M1AP: variants seen among roughly 807,000 people sequenced by gnomAD.
The protein encoded by M1AP is meiosis 1 associated protein, also known as meiosis 1 arrest protein.
A neutral mutation model predicts 51.2 loss-of-function variants in M1AP; 39 were observed. The ratio of observed to expected loss-of-function variants is 0.76; its 90% confidence interval spans 0.59 to 1.00. The LOEUF is 1.00. M1AP is among the 50% of genes least tolerant of loss of function. The probability of loss-of-function intolerance (pLI) is 0.00; values close to 1 mark genes in which losing one functional copy is unlikely to be tolerated. For missense variants in M1AP, 545 were observed against 641.2 expected (o/e 0.85, Z 1.62); for synonymous variants, 251 against 249.2 (o/e 1.01, Z -0.07).
At chr2:74,626,682 A>G (rs1682417389) in intron 2 of M1AP, among the ~76,000 whole-genome samples, 1 of 152,220 alleles carries the variant, frequency 6.6e-6, no homozygotes, top group South Asian at 2.1e-4. Context: ...ACTTTGCTCC[A>G]TCAGGAATCT....
intron 3 of M1AP, among the ~76,000 whole-genome samples, chr2:74,607,950 A>G (rs1485698491): frequency 6.6e-6 from 1 of 152,192 alleles, no homozygotes; most frequent in Non-Finnish European, 1.5e-5. Context: ...GGGAAGTTTT[A>G]GGTTCACAGC....
chr2:74,561,244 G>GAGA (rs1677984223), intron 8 of M1AP, among the ~76,000 whole-genome samples: 1 of 82,502 alleles, frequency 1.2e-5, no homozygotes, highest in Non-Finnish European at 2.7e-5. Flanking sequence ...GGAGGAGGAG[G>GAGA]AGGAGGAGGA....
chr2:74,594,899 T>C (rs975131400), intron 4 of M1AP, among the ~76,000 whole-genome samples: 6 of 151,978 alleles, frequency 3.9e-5, no homozygotes, highest in Admixed American at 1.3e-4. Context: ...AGATAATCAA[T>C]TTTCAGATTC....
At chr2:74,644,048 C>T (rs980162023) in intron 1 of M1AP, among the ~76,000 whole-genome samples, 2 of 151,722 alleles carry the variant, frequency 1.3e-5, no homozygotes, top group African/African-American at 4.8e-5. Context: ...CAAAAGAAAA[C>T]AAAAGAAATA....
At chr2:74,611,793 T>C (rs1342422310) in intron 3 of M1AP, among the ~76,000 whole-genome samples, 6 of 148,114 alleles carry the variant, frequency 4.1e-5, no homozygotes, top group Non-Finnish European at 7.4e-5. Flanking sequence ...GATTACGCCA[T>C]TGCACTCCAG....
chr2:74,614,944 T>C lies in M1AP; in HGVS notation c.426+20A>G. ...GAAATCGGAACACAGCTTGGAGTCC[T>C]AAAGGCCAGCATCACTTACCTCCAG... is the stretch of plus-strand genomic sequence containing the variant. On this transcript the variant is annotated intron_variant, in intron 3 of 10. Coordinates refer to ENST00000421985, the MANE Select transcript of M1AP (RefSeq NM_001321739.2). The C allele has an allele frequency of 6.2e-7, 1 of 1,611,788 alleles. No individual in the cohort carries two copies.
chr2:74,620,876 C>A, intron 2 of M1AP: 2 of 175,770 alleles, frequency 1.1e-5, no homozygotes, highest in South Asian at 2.7e-4. Context: ...TGAAGCCAGT[C>A]AGTGCCTTGA....
intron 1 of M1AP, among the ~76,000 whole-genome samples, chr2:74,641,195 G>A (rs1056324724): frequency 6.6e-6 from 1 of 152,144 alleles, no homozygotes; most frequent in African/African-American, 2.4e-5. Context: ...ATTAGAAATT[G>A]TTCTTCGCCT....
chr2:74,568,660 G>T (rs1465292086), intron 7 of M1AP, among the ~76,000 whole-genome samples: 1 of 152,144 alleles, frequency 6.6e-6, no homozygotes, highest in Non-Finnish European at 1.5e-5. Flanking sequence ...GGGCTCCATG[G>T]GGCAAAAGGC....
chr2:74,630,439 AT>A (rs1215381648), intron 2 of M1AP, among the ~76,000 whole-genome samples: 1 of 152,162 alleles, frequency 6.6e-6, no homozygotes, highest in Non-Finnish European at 1.5e-5. Flanking sequence ...TCACCTAGGT[AT>A]TAAGCCCCAC....
At chr2:74,593,143 G>T (rs1680143563) in intron 4 of M1AP, among the ~76,000 whole-genome samples, 1 of 152,056 alleles carries the variant, frequency 6.6e-6, no homozygotes, top group Non-Finnish European at 1.5e-5. Context: ...GGAGAGAAAA[G>T]GTGAGATTTA....
chr2:74,566,100 T>C (rs113949029), intron 7 of M1AP, among the ~76,000 whole-genome samples: 9 of 152,270 alleles, frequency 5.9e-5, no homozygotes, highest in African/African-American at 2.2e-4. Context: ...GACCAGAAGG[T>C]CATTTTCCAC....
chr2:74,570,001 T>A (rs955876912), intron 7 of M1AP, among the ~76,000 whole-genome samples: 2 of 151,956 alleles, frequency 1.3e-5, no homozygotes, highest in Non-Finnish European at 1.5e-5. Flanking sequence ...TTGAGAAATG[T>A]CATTATGGGT....
At chr2:74,589,900 ACAT>A (rs1679941348) in intron 4 of M1AP, among the ~76,000 whole-genome samples, 1 of 152,260 alleles carries the variant, frequency 6.6e-6, no homozygotes, top group Non-Finnish European at 1.5e-5. Flanking sequence ...TCCCTGGGCC[ACAT>A]TGGAAGAATT....
chr2:74,611,253 A>G (rs777074688), intron 3 of M1AP, among the ~76,000 whole-genome samples: 12 of 152,196 alleles, frequency 7.9e-5, no homozygotes, highest in Admixed American at 5.2e-4. Context: ...AAGAATTGCT[A>G]TTAGTTCTTC....
chr2:74,592,821 C>G (rs911710468), intron 4 of M1AP, among the ~76,000 whole-genome samples: 1 of 152,070 alleles, frequency 6.6e-6, no homozygotes, highest in Admixed American at 6.6e-5. Context: ...GAATCTTTTC[C>G]AGATGGCTAA....
chr2:74,577,026 A>AG, intron 5 of M1AP: 4 of 458,204 alleles, frequency 8.7e-6, no homozygotes, highest in Non-Finnish European at 1.2e-5. Flanking sequence ...CACAGAAGGA[A>AG]ATCTTGCTTC....
rs1485240211 is a variant in M1AP, at chr2:74,614,970, G to A, written c.420C>T (p.Ser140=). The change falls in exon 3 of 11, where the codon TCC becomes TCT. Residue 140 remains serine, a synonymous_variant. Transcript: ENST00000421985. ...VTTRAALTYT[S]LEITILTSQP... ...AAAGGCCAGCATCACTTACCTCCAGGGAGGTATAGGTCAGAGCTGCCCTTG... is the reference window on the plus strand; with the variant it reads ...AAAGGCCAGCATCACTTACCTCCAGAGAGGTATAGGTCAGAGCTGCCCTTG... The A allele has an allele frequency of 3.1e-6, 5 of 1,614,002 alleles. No homozygotes were observed. Among genetic ancestry groups the A allele is most frequent in the South Asian group, 1.1e-5 (1 of 91,074 alleles).
intron 1 of M1AP, among the ~76,000 whole-genome samples, chr2:74,642,707 A>G (rs1683362561): frequency 6.6e-6 from 1 of 152,244 alleles, no homozygotes; most frequent in African/African-American, 2.4e-5. Flanking sequence ...AATAATCTAC[A>G]GCTTTGTAAT....
Sources: allele counts gnomAD v4.1 joint callset (sites outside exome capture counted in the v4.1 genomes callset), GRCh38; gene constraint gnomAD v4.1.1; transcripts MANE v1.5; gene names NCBI Gene and HGNC (gene_info 2026-07-23, HGNC 2026-07-21).